The following QSER1 variants were observed in gnomAD, a reference collection of about 807,000 sequenced individuals.
QSER1 encodes the protein glutamine and serine rich 1, also known as glutamine and serine-rich protein 1.
A neutral mutation model predicts 158.5 loss-of-function variants in QSER1; 49 were observed. That is an observed-to-expected ratio of 0.31 (90% CI 0.25 to 0.39). The LOEUF is 0.39. QSER1 is among the 10% of genes least tolerant of loss of function. The probability of loss-of-function intolerance (pLI) is 1.00; values close to 1 mark genes in which losing one functional copy is unlikely to be tolerated. For missense variants in QSER1, 1,754 were observed against 2,010.3 expected (o/e 0.87, Z 2.44); for synonymous variants, 650 against 715.5 (o/e 0.91, Z 1.46).
chr11:32,970,695 G>A (rs948569032), intron 10 of QSER1, among the ~76,000 whole-genome samples: 1 of 151,924 alleles, frequency 6.6e-6, no homozygotes, highest in African/African-American at 2.4e-5. Flanking sequence ...CATGAGCCAC[G>A]GCACCCAGCC....
In QSER1 at chr11:32,941,284, C is replaced by T. The variant is rs962008735; in HGVS notation, c.4177+5849C>T. Among the ~76,000 whole-genome samples, 18 of 150,548 alleles carry T rather than the reference C, an allele frequency of 1.2e-4. No homozygotes were observed. In the East Asian group the frequency reaches 3.5e-3, roughly 29 times the overall value. On this transcript the variant is annotated intron_variant, in intron 4 of 12. Coordinates refer to ENST00000650167, the MANE Select transcript of QSER1 (RefSeq NM_001076786.3). ...TTTTAGGGTACATGTGCACATTGTGCAGGTTAGTTACATACGTATACATGT... is the reference window on the plus strand; with the variant it reads ...TTTTAGGGTACATGTGCACATTGTGTAGGTTAGTTACATACGTATACATGT...
chr11:32,926,357 A>C (rs1336733775), intron 1 of QSER1, among the ~76,000 whole-genome samples: 4 of 152,184 alleles, frequency 2.6e-5, no homozygotes, highest in Non-Finnish European at 5.9e-5. Context: ...TCTGATAATG[A>C]TATCTGGTTA....
chr11:32,906,946 A>C (rs1428546841), intron 1 of QSER1, among the ~76,000 whole-genome samples: 1 of 152,158 alleles, frequency 6.6e-6, no homozygotes, highest in Non-Finnish European at 1.5e-5. Context: ...AAAGACTTAA[A>C]TTTTTTTGAT....
rs769125504 is a variant in QSER1 at position 32,932,925 on chromosome 11, C to T, written c.1667C>T (p.Ser556Leu). Residue 556 changes from serine (S) to leucine (L), a missense_variant, in exon 4 of 13, where the codon TCA (serine) becomes TTA (leucine). This residue lies in a region of QSER1 where 1,707 missense variants were observed against 1,919.6 expected (regional missense o/e 0.89). Transcript: ENST00000650167. ...LSSVSQSQSY[S>L]SGHSQGLSPV... ...TCAGTAAGTCAGTCTCAAAGTTACT[C>T]ATCTGGTCACTCTCAGGGTTTATCA... 4 of 1,613,640 alleles carry T rather than the reference C, an allele frequency of 2.5e-6. No homozygotes were observed. The Middle Eastern group carries it at 4.9e-4, about 199-fold the overall frequency.
intron 1 of QSER1, among the ~76,000 whole-genome samples, chr11:32,916,880 G>A (rs1030937390): frequency 6.6e-5 from 10 of 151,662 alleles, no homozygotes; most frequent in South Asian, 2.1e-4. Flanking sequence ...TCCACCTCCC[G>A]GGTTCAAGCG....
intron 1 of QSER1, among the ~76,000 whole-genome samples, chr11:32,909,823 G>C (rs989159746): frequency 1.3e-5 from 2 of 152,200 alleles, no homozygotes; most frequent in East Asian, 1.9e-4. Context: ...GTGTATGGGG[G>C]GGGTGTGGTC....
rs561972663 is a variant in QSER1 at position 32,934,512 on chromosome 11, C to T, written c.3254C>T (p.Thr1085Ile). 2.5e-6 allele frequency: 4 copies of T among 1,613,626 alleles called. No homozygotes were observed. The highest frequency in any genetic ancestry group is 3.4e-6 in the Non-Finnish European group (4 of 1,179,982). ...GAAACACCTGGTCAAAATATACCAACTAAAGTAACTTCAGCAGTGGTTGGA... is the reference window on the plus strand; with the variant it reads ...GAAACACCTGGTCAAAATATACCAATTAAAGTAACTTCAGCAGTGGTTGGA... ...HIETPGQNIP[T>I]KVTSAVVGPS... The change falls in exon 4 of 13, where the codon ACT becomes ATT. Residue 1085 changes from threonine (T) to isoleucine (I), a missense_variant. Physicochemically the swap from Thr to Ile is moderately conservative, Grantham distance 89. Coordinates refer to ENST00000650167, the MANE Select transcript of QSER1 (RefSeq NM_001076786.3).
chr11:32,932,596 T>C lies in QSER1; in HGVS notation c.1338T>C (p.Ser446=). Residue 446 remains serine, a synonymous_variant, in exon 4 of 13, where the codon AGT becomes AGC. Transcript: ENST00000650167. ...LSYSKPLHNQ[S]SVISGQAQIY... Reference sequence around the variant, plus strand: ...ATTCCAAACCTTTACATAATCAGAGTTCTGTAATATCGGGCCAAGCACAAA... The same window carrying C: ...ATTCCAAACCTTTACATAATCAGAGCTCTGTAATATCGGGCCAAGCACAAA... The C allele has an allele frequency of 6.2e-7, 1 of 1,614,098 alleles. No homozygotes were observed. The highest frequency in any genetic ancestry group is 8.5e-7 in the Non-Finnish European group (1 of 1,180,002).
Position 32,934,743 on chromosome 11 carries a change from G to C in QSER1, c.3485G>C (p.Gly1162Ala). The change falls in exon 4 of 13, where the codon GGT becomes GCT. Residue 1162 changes from glycine (G) to alanine (A), a missense_variant. By Grantham distance (60) the Gly-to-Ala change is moderately conservative (BLOSUM62 0). Around this residue, in one of 2 missense-constraint regions of QSER1, gnomAD observed 1,707 missense variants for 1,919.6 expected, o/e 0.89. Coordinates refer to ENST00000650167, the MANE Select transcript of QSER1 (RefSeq NM_001076786.3). ...SEFTLGGDDS[G>A]VSMNPARSAL... Reference sequence around the variant, plus strand: ...TTTACCTTAGGGGGTGACGACAGTGGTGTGTCAATGAACCCAGCTAGGAGT... The same window carrying C: ...TTTACCTTAGGGGGTGACGACAGTGCTGTGTCAATGAACCCAGCTAGGAGT... 1 of 1,613,940 alleles carries C rather than the reference G, an allele frequency of 6.2e-7. No individual in the cohort carries two copies. Among genetic ancestry groups the C allele is most frequent in the African/African-American group, 1.3e-5 (1 of 75,052 alleles).
At chr11:32,946,844 C>T (rs1409488041) in intron 4 of QSER1, among the ~76,000 whole-genome samples, 2 of 152,110 alleles carry the variant, frequency 1.3e-5, no homozygotes, top group African/African-American at 4.8e-5. Flanking sequence ...TGCCACCTTG[C>T]AGTTTGATCT....
intron 1 of QSER1, among the ~76,000 whole-genome samples, chr11:32,910,006 T>C (rs550382508): frequency 2.0e-5 from 3 of 152,226 alleles, no homozygotes; most frequent in South Asian, 2.1e-4. Context: ...TCCAGACTCA[T>C]TGTGCCCACA....
intron 4 of QSER1, among the ~76,000 whole-genome samples, chr11:32,952,575 T>A (rs897306643): frequency 1.3e-5 from 2 of 152,090 alleles, no homozygotes; most frequent in Non-Finnish European, 2.9e-5. Context: ...CTCATGCTGT[T>A]TTTGTCTGGT....
At chr11:32,895,201 G>A (rs1295280218) in intron 1 of QSER1, among the ~76,000 whole-genome samples, 3 of 152,028 alleles carry the variant, frequency 2.0e-5, no homozygotes, top group Non-Finnish European at 4.4e-5. Context: ...ATCTAAAGGA[G>A]ATTTATTTTC....
Position 32,956,087 on chromosome 11 carries a change from A to C in QSER1, c.4717A>C (p.Lys1573Gln). Residue 1573 changes from lysine (K) to glutamine (Q), a missense_variant, in exon 7 of 13, where the codon AAA (lysine) becomes CAA (glutamine). Physicochemically the swap from Lys to Gln is moderately conservative, Grantham distance 53 (BLOSUM62 1). This residue lies in a region of QSER1 where 1,707 missense variants were observed against 1,919.6 expected (regional missense o/e 0.89). Coordinates refer to ENST00000650167, the MANE Select transcript of QSER1 (RefSeq NM_001076786.3). ...GAAGGAATATGTCAGAGTGTGTTCT[A>C]AAAAGCCAAGAAATAAACCTTCACA... The part of the protein sequence containing the change: ...NKKEYVRVCS[K>Q]KPRNKPSQTI... 6.2e-7 allele frequency: 1 copy of C among 1,611,806 alleles called. No individual in the cohort carries two copies. The highest frequency in any genetic ancestry group is 8.5e-7 in the Non-Finnish European group (1 of 1,178,720).
chr11:32,965,986 C>CACACACACACACA (rs3060620), intron 8 of QSER1, among the ~76,000 whole-genome samples: 2 of 149,608 alleles, frequency 1.3e-5, no homozygotes, highest in African/African-American at 2.5e-5. Flanking sequence ...CACACACACA[C>CACACACACACACA]GAATCACCTA....
chr11:32,941,440 T>C, intron 4 of QSER1, among the ~76,000 whole-genome samples: 1 of 139,890 alleles, frequency 7.1e-6, no homozygotes. Flanking sequence ...GTCCATGTTA[T>C]CTCACTGTTC....
intron 6 of QSER1, 88 bp from the exon 7 acceptor site, chr11:32,955,900 T>A (rs1283593507): frequency 2.4e-6 from 3 of 1,243,534 alleles, no homozygotes; most frequent in Non-Finnish European, 3.4e-6. Context: ...AACTTGAAGG[T>A]TGGCTATGGG....
chr11:32,930,099 G>A (rs1269963175), intron 3 of QSER1, among the ~76,000 whole-genome samples: 1 of 152,086 alleles, frequency 6.6e-6, no homozygotes, highest in Non-Finnish European at 1.5e-5. Context: ...TTTACATTTA[G>A]TTAAATGTCG....
intron 11 of QSER1, among the ~76,000 whole-genome samples, 166 bp downstream of exon 11, chr11:32,973,715 G>C (rs189360319): frequency 1.7e-4 from 26 of 152,306 alleles, no homozygotes; most frequent in African/African-American, 6.3e-4. Flanking sequence ...ACGCATGGTG[G>C]TTTATTGTTT....
Sources: gnomAD v4.1 joint callset for allele counts (sites outside exome capture counted in the v4.1 genomes callset) on GRCh38, gnomAD v4.1.1 for gene constraint, gnomAD v4.1.1 regional missense constraint, MANE v1.5 for transcripts, NCBI Gene and HGNC (gene_info 2026-07-23, HGNC 2026-07-21) for gene names.